Variants in DDHD2 observed in about 807,000 individuals in gnomAD.
The protein encoded by DDHD2 is triacylglycerol hydrolase DDHD2.
DDHD2 carries 62 observed loss-of-function variants against 91.2 expected under a neutral mutation model. The observed-to-expected ratio is 0.68, with a 90% confidence interval of 0.55 to 0.84. The LOEUF (loss-of-function observed/expected upper bound fraction) is 0.84, where lower values mean the gene tolerates loss of function less well. Ranked by LOEUF, DDHD2 falls within the 40% of genes least tolerant of loss-of-function variation. The pLI is 0.00. For missense variants in DDHD2, 740 were observed against 846.9 expected (o/e 0.87, Z 1.57); for synonymous variants, 271 against 293.9 (o/e 0.92, Z 0.80).
At chr8:38,264,360 T>G (rs1465413099), downstream of DDHD2, 1 of 1,133,554 alleles carries the variant, frequency 8.8e-7, no homozygotes, top group Non-Finnish European at 1.2e-6. Flanking sequence ...AGGCTGGTCC[T>G]GACCTCAGGT....
rs372085366 is a variant in DDHD2, at chr8:38,245,737, T to C, written c.849-5T>C. 8 of 1,613,416 alleles carry C rather than the reference T, an allele frequency of 5.0e-6. No individual in the cohort carries two copies. The Admixed American group carries it at 6.7e-5, about 13-fold the overall frequency. On this transcript the variant is annotated splice_region_variant and splice_polypyrimidine_tract_variant and intron_variant, in intron 7 of 17. Transcript: ENST00000397166. Reference sequence around the variant, plus strand: ...TCCTGCTTATATTATTTTTCCTTTTTTCAGAGATCTGCAGCGAATAACCCT... The same window carrying C: ...TCCTGCTTATATTATTTTTCCTTTTCTCAGAGATCTGCAGCGAATAACCCT...
downstream of DDHD2, chr8:38,266,313 TG>T: frequency 6.2e-7 from 1 of 1,609,934 alleles, no homozygotes; most frequent in Non-Finnish European, 8.5e-7. Flanking sequence ...CAAATGCAAC[TG>T]GAACAAGAAA....
downstream of DDHD2, chr8:38,266,994 A>G (rs1301770162): frequency 9.9e-6 from 13 of 1,318,572 alleles, no homozygotes; most frequent in Admixed American, 3.2e-5. Flanking sequence ...CGTTAAAGGT[A>G]TTTTTATTGC....
chr8:38,259,582 C>T (rs1324415347), intron 16 of DDHD2, among the ~76,000 whole-genome samples: 1 of 152,134 alleles, frequency 6.6e-6, no homozygotes, highest in Non-Finnish European at 1.5e-5. Flanking sequence ...GATGGGGTTT[C>T]ACCATATTGG....
downstream of DDHD2, chr8:38,264,338 A>G: frequency 1.1e-6 from 1 of 913,580 alleles, no homozygotes; most frequent in South Asian, 2.2e-5. Flanking sequence ...GACAGGGTTC[A>G]CCATGTTGGC....
chr8:38,245,352 A>G (rs978112993), intron 7 of DDHD2, among the ~76,000 whole-genome samples: 2 of 151,984 alleles, frequency 1.3e-5, no homozygotes, highest in African/African-American at 4.8e-5. Context: ...GAATCGCTTG[A>G]ACCTGGGAGG....
intron 16 of DDHD2, among the ~76,000 whole-genome samples, chr8:38,254,176 C>T (rs1806334379): frequency 6.6e-6 from 1 of 151,980 alleles, no homozygotes; most frequent in Admixed American, 6.6e-5. Context: ...TTTAAACACA[C>T]TGTTGTTTTA....
chr8:38,253,842 G>A (rs1806302494), intron 16 of DDHD2, 124 bp downstream of exon 16: 2 of 941,512 alleles, frequency 2.1e-6, no homozygotes, highest in Non-Finnish European at 3.2e-6. Flanking sequence ...CACTTTGGGA[G>A]GCCAAGGTGG....
chr8:38,252,149 C>G lies in DDHD2; in HGVS notation c.1479C>G (p.Pro493=). 1 of 1,613,986 alleles carries G rather than the reference C, an allele frequency of 6.2e-7. No homozygotes were observed. The highest frequency in any genetic ancestry group is 8.5e-7 in the Non-Finnish European group (1 of 1,179,976). Residue 493 remains proline, a synonymous_variant, in exon 13 of 18, where the codon CCC becomes CCG. Coordinates refer to ENST00000397166, the MANE Select transcript of DDHD2 (RefSeq NM_015214.3). ...CCTTTGAGGTGTCTGTGAAATACCC[C>G]CGGCTCATCTATAAACCAGAGATAT... ...VGIGQVSVKY[P]RLIYKPEIFF... is the part of the protein sequence containing the mutation.
chr8:38,252,270 T>G lies in DDHD2; in HGVS notation c.1600T>G (p.Phe534Val). Residue 534 changes from phenylalanine (F) to valine (V), a missense_variant, in exon 13 of 18, where the codon TTC becomes GTC. By Grantham distance (50) the Phe-to-Val change is conservative. This residue lies in a region of DDHD2 where 693 missense variants were observed against 764.2 expected (regional missense o/e 0.91). Coordinates refer to ENST00000397166, the MANE Select transcript of DDHD2 (RefSeq NM_015214.3). ...CAGATTTCCAACGTGCAAAGGTTTC[T>G]TCAATATTTATCACCCTGTAAGCAT... ...NYRFPTCKGFFNIYHPFDPVA... is the reference protein window; with the variant it reads ...NYRFPTCKGFVNIYHPFDPVA... The G allele has an allele frequency of 5.0e-6, 8 of 1,613,458 alleles. No individual in the cohort carries two copies. The highest frequency in any genetic ancestry group is 6.8e-6 in the Non-Finnish European group (8 of 1,179,772).
intron 3 of DDHD2, among the ~76,000 whole-genome samples, chr8:38,235,873 G>GCACACACGCACACACA (rs1554511691): frequency 4.7e-5 from 7 of 147,680 alleles, no homozygotes; most frequent in African/African-American, 1.5e-4. Flanking sequence ...AAGTACACGC[G>GCACACACGCACACACA]CACACACACA....
At chr8:38,263,540 A>G (rs1225190606), downstream of DDHD2, 7 of 985,300 alleles carry the variant, frequency 7.1e-6, no homozygotes, top group Non-Finnish European at 8.4e-6. Context: ...TCACTTAGTA[A>G]TTCAACAAAT....
At chr8:38,238,504 T>C in intron 5 of DDHD2, 1 of 1,112,348 alleles carries the variant, frequency 9.0e-7, no homozygotes, top group Non-Finnish European at 1.1e-6. Flanking sequence ...TCCACCTACT[T>C]GACTAGAAAT....
At chr8:38,257,656 C>T (rs969145501) in intron 16 of DDHD2, among the ~76,000 whole-genome samples, 9 of 147,160 alleles carry the variant, frequency 6.1e-5, no homozygotes, top group Non-Finnish European at 8.9e-5. Context: ...AAATTCTTAC[C>T]ACAGTATTTT....
Position 38,260,622 on chromosome 8 carries a change from C to T in DDHD2, c.*49C>T, listed in dbSNP as rs981111378. 2 of 153,168 alleles carry T rather than the reference C, an allele frequency of 1.3e-5. No individual in the cohort carries two copies. The highest frequency in any genetic ancestry group is 1.3e-4 in the Admixed American group (2 of 15,304). 9.5% of individuals were successfully genotyped at this position (153,168 alleles called of 1,614,324 possible). A position where few individuals can be genotyped will look rare whatever the true frequency, so the allele number is the denominator to read the frequency against. ...TAGACGGACATTGAGGGATCCTTCC[C>T]CAGAAAATCCACCTGTTTGTTGCTG... On this transcript the variant is annotated 3_prime_UTR_variant, in exon 18 of 18. Coordinates refer to ENST00000397166, the MANE Select transcript of DDHD2 (RefSeq NM_015214.3).
At chr8:38,259,843 A>C (rs1806840589) in intron 16 of DDHD2, among the ~76,000 whole-genome samples, 197 bp from the exon 17 acceptor site, 1 of 152,144 alleles carries the variant, frequency 6.6e-6, no homozygotes, top group Non-Finnish European at 1.5e-5. Flanking sequence ...TTTTTATATT[A>C]CTAGACTTAA....
chr8:38,266,502 G>A (rs1585807233), downstream of DDHD2: 1 of 539,550 alleles, frequency 1.9e-6, no homozygotes, highest in African/African-American at 1.9e-5. Context: ...CCGGGTTCAA[G>A]CGATTCTCCT....
At chr8:38,250,009 CG>C in intron 11 of DDHD2, 1 of 251,056 alleles carries the variant, frequency 4.0e-6, no homozygotes, top group Non-Finnish European at 7.9e-6. Flanking sequence ...CTCTGCCTCC[CG>C]GGTTCAAGCG....
chr8:38,246,435 C>G (rs1184283938), intron 9 of DDHD2, 135 bp downstream of exon 9: 2 of 627,796 alleles, frequency 3.2e-6, no homozygotes, highest in Non-Finnish European at 5.5e-6. Context: ...TTCATTTTAA[C>G]AGACTTTTAA....
Sources: allele counts gnomAD v4.1 joint callset (sites outside exome capture counted in the v4.1 genomes callset), GRCh38; gene constraint gnomAD v4.1.1; regional missense constraint gnomAD v4.1.1; transcripts MANE v1.5; gene names NCBI Gene and HGNC (gene_info 2026-07-23, HGNC 2026-07-21).